ABCA12: variants seen among roughly 807,000 people sequenced by gnomAD.
The protein encoded by ABCA12 is ATP binding cassette subfamily A member 12.
A neutral mutation model predicts 293.5 loss-of-function variants in ABCA12; 156 were observed. That is an observed-to-expected ratio of 0.53 (90% CI 0.47 to 0.61). The LOEUF (loss-of-function observed/expected upper bound fraction) is 0.61. Ranked by LOEUF, ABCA12 falls within the 20% of genes least tolerant of loss-of-function variation. ABCA12 has a pLI of 0.00. For missense variants in ABCA12, 2,797 were observed against 3,090.2 expected, an observed-to-expected ratio of 0.91 and a Z score of 2.25; for synonymous variants, 1,063 against 1,108.0, an observed-to-expected ratio of 0.96 and a Z score of 0.81.
intron 2 of ABCA12, among the ~76,000 whole-genome samples, chr2:215,087,419 G>T (rs1253482905): frequency 6.6e-6 from 1 of 151,726 alleles, no homozygotes; most frequent in African/African-American, 2.4e-5. Context: ...GCTTGTCAAC[G>T]GACTGAGTCT....
At chr2:214,938,581 A>T (rs536934522) in intron 50 of ABCA12, among the ~76,000 whole-genome samples, 9 of 152,308 alleles carry the variant, frequency 5.9e-5, no homozygotes, top group African/African-American at 2.2e-4. Flanking sequence ...ACTTCCGCCA[A>T]CAGTGTAAAA....
chr2:215,044,118 A>G (rs940951533), intron 7 of ABCA12, among the ~76,000 whole-genome samples: 12 of 152,140 alleles, frequency 7.9e-5, no homozygotes, highest in Non-Finnish European at 1.5e-4. Context: ...TCAAGAAATA[A>G]ACATCAGCAT....
chr2:215,075,068 A>C (rs1007868695), intron 2 of ABCA12, among the ~76,000 whole-genome samples: 2 of 152,194 alleles, frequency 1.3e-5, no homozygotes, highest in Non-Finnish European at 2.9e-5. Flanking sequence ...GTCAAATGTG[A>C]GAGTGTATTT....
At chr2:215,008,579 A>G (rs536273167) in intron 18 of ABCA12, among the ~76,000 whole-genome samples, 1 of 152,290 alleles carries the variant, frequency 6.6e-6, no homozygotes, top group African/African-American at 2.4e-5. Flanking sequence ...CTATATATAA[A>G]AAAGGATTAA....
intron 2 of ABCA12, among the ~76,000 whole-genome samples, chr2:215,079,760 G>A (rs1575029885): frequency 1.3e-5 from 2 of 152,124 alleles, no homozygotes; most frequent in African/African-American, 4.8e-5. Context: ...TTAATCTTGC[G>A]TTACTTAATA....
At chr2:215,112,333 ATTTTTT>A (rs35532740) in intron 1 of ABCA12, among the ~76,000 whole-genome samples, 1 of 126,686 alleles carries the variant, frequency 7.9e-6, no homozygotes, top group Admixed American at 8.2e-5. Flanking sequence ...ATAGTCAATG[ATTTTTT>A]TTTTTTTTTT....
chr2:215,080,936 TA>T (rs1039598251), intron 2 of ABCA12: 4 of 152,256 alleles, frequency 2.6e-5, no homozygotes, highest in African/African-American at 7.2e-5. Context: ...AGAACCATAT[TA>T]TTTTAAATCT....
intron 36 of ABCA12, among the ~76,000 whole-genome samples, chr2:214,971,976 G>C (rs1225249513): frequency 6.6e-6 from 1 of 152,080 alleles, no homozygotes; most frequent in Non-Finnish European, 1.5e-5. Flanking sequence ...GTATTGCTTT[G>C]TGCCTTAAAT....
chr2:215,121,815 A>T (rs1036680759), intron 1 of ABCA12, among the ~76,000 whole-genome samples: 4 of 152,144 alleles, frequency 2.6e-5, no homozygotes, highest in Non-Finnish European at 5.9e-5. Flanking sequence ...CTTCCCCTGC[A>T]CAAGCTCTTG....
chr2:214,996,278 G>T (rs1700030161), intron 23 of ABCA12, among the ~76,000 whole-genome samples: 4 of 152,082 alleles, frequency 2.6e-5, no homozygotes, highest in Admixed American at 6.5e-5. Flanking sequence ...TACAATGTGT[G>T]TGTATTATAT....
At chr2:214,983,365 A>G (rs1699711870) in intron 29 of ABCA12, among the ~76,000 whole-genome samples, 1 of 152,184 alleles carries the variant, frequency 6.6e-6, no homozygotes, top group Non-Finnish European at 1.5e-5. Context: ...GAATCCACTT[A>G]GGAGGCTTGG....
intron 2 of ABCA12, among the ~76,000 whole-genome samples, chr2:215,102,735 T>C (rs1462567680): frequency 1.3e-5 from 2 of 152,212 alleles, no homozygotes; most frequent in Non-Finnish European, 2.9e-5. Flanking sequence ...ACATTCTATG[T>C]CCTCACTCAT....
intron 2 of ABCA12, among the ~76,000 whole-genome samples, chr2:215,084,374 T>C (rs1702000245): frequency 6.6e-6 from 1 of 152,218 alleles, no homozygotes; most frequent in Non-Finnish European, 1.5e-5. Flanking sequence ...CAAATAACCC[T>C]TTATTTATCA....
intron 1 of ABCA12, among the ~76,000 whole-genome samples, chr2:215,118,876 A>G (rs1369258363): frequency 2.0e-5 from 3 of 152,066 alleles, no homozygotes; most frequent in Admixed American, 2.0e-4. Flanking sequence ...TTTGCTGTTG[A>G]TTTAAGTTTC....
chr2:215,066,905 T>C (rs1416096895), intron 2 of ABCA12, among the ~76,000 whole-genome samples: 1 of 152,174 alleles, frequency 6.6e-6, no homozygotes, highest in African/African-American at 2.4e-5. Context: ...GTATCTACTG[T>C]ATCCCATGTA....
chr2:215,081,488 AAAAAGAAAAAG>A (rs1389149014), intron 2 of ABCA12, among the ~76,000 whole-genome samples: 7 of 98,688 alleles, frequency 7.1e-5, no homozygotes, highest in African/African-American at 3.4e-4. Context: ...CAAAAAAAAA[AAAAAGAAAAAG>A]AAAAAAGAAA....
intron 1 of ABCA12, among the ~76,000 whole-genome samples, chr2:215,130,081 C>G (rs1196092502): frequency 1.3e-5 from 2 of 152,136 alleles, no homozygotes; most frequent in East Asian, 3.9e-4. Context: ...TTCCATTGAT[C>G]TGTGTCTATT....
At chr2:215,074,994 T>C (rs1326867409) in intron 2 of ABCA12, among the ~76,000 whole-genome samples, 2 of 152,100 alleles carry the variant, frequency 1.3e-5, no homozygotes, top group Non-Finnish European at 2.9e-5. Context: ...CTGGGATAGA[T>C]ACAGCTTTTA....
chr2:215,015,465 A>C, intron 15 of ABCA12, 25 bp downstream of exon 15: 1 of 1,598,190 alleles, frequency 6.3e-7, no homozygotes, highest in Non-Finnish European at 8.6e-7. Context: ...ATGAATATAA[A>C]CATATTTAAC....
Sources: allele counts gnomAD v4.1 joint callset (sites outside exome capture counted in the v4.1 genomes callset), GRCh38; gene constraint gnomAD v4.1.1; transcripts MANE v1.5; gene names NCBI Gene and HGNC (gene_info 2026-07-23, HGNC 2026-07-21).